TMEM156: variants seen among roughly 807,000 people sequenced by gnomAD.
TMEM156 encodes transmembrane protein 156.
In TMEM156, 28 loss-of-function variants were observed where a neutral mutation model predicts 30.5. The ratio of observed to expected loss-of-function variants is 0.92; its 90% CI spans 0.68 to 1.26. The LOEUF (loss-of-function observed/expected upper bound fraction) is 1.26. Among genes scored for constraint, TMEM156 ranks in the 50% most tolerant of loss-of-function variants. The probability of loss-of-function intolerance (pLI) is 0.00; values close to 1 mark genes in which losing one functional copy is unlikely to be tolerated. For missense variants in TMEM156, 351 were observed against 340.6 expected (o/e 1.03, Z -0.24); for synonymous variants, 137 against 119.9 (o/e 1.14, Z -0.93).
chr4:38,986,927 T>G (rs1712048581), intron 4 of TMEM156, among the ~76,000 whole-genome samples: 1 of 150,998 alleles, frequency 6.6e-6, no homozygotes, highest in African/African-American at 2.4e-5. Context: ...TGAAGAATAT[T>G]CAATGTATGT....
chr4:38,978,337 G>A (rs191628086), intron 5 of TMEM156, among the ~76,000 whole-genome samples: 6 of 152,242 alleles, frequency 3.9e-5, no homozygotes, highest in South Asian at 2.1e-4. Flanking sequence ...TGCCCTCCAC[G>A]TCCCAAATAG....
intron 4 of TMEM156, among the ~76,000 whole-genome samples, chr4:38,987,759 A>G (rs1187511397): frequency 6.6e-6 from 1 of 152,216 alleles, no homozygotes; most frequent in Non-Finnish European, 1.5e-5. Context: ...TTTACAGAGG[A>G]TGTAAGGGAT....
intron 1 of TMEM156, among the ~76,000 whole-genome samples, chr4:39,018,268 G>T (rs889864163): frequency 6.6e-6 from 1 of 152,060 alleles, no homozygotes; most frequent in African/African-American, 2.4e-5. Flanking sequence ...ACTTTAACTC[G>T]GATCATCTCC....
intron 5 of TMEM156, among the ~76,000 whole-genome samples, chr4:38,975,384 C>CTTTTTTTTTTTT (rs10711049): frequency 1.0e-5 from 1 of 97,562 alleles, no homozygotes; most frequent in Non-Finnish European, 2.2e-5. Flanking sequence ...TTTTTCTTTT[C>CTTTTTTTTTTTT]TTTTTTTTTT....
Position 39,011,354 on chromosome 4 carries a change from C to A in TMEM156, c.89-12445G>T, listed in dbSNP as rs142565254. 2.6e-3 allele frequency among the ~76,000 whole-genome samples: 394 copies of A among 152,312 alleles called. 2 individuals carry two copies. Among genetic ancestry groups the A allele is most frequent in the African/African-American group, 8.9e-3 (370 of 41,566 alleles). ...AGCAGTTTGGAGATTTCTGAAAGAA[C>A]TGAAAATAGAATTGTCATTTGACCG... is the stretch of plus-strand genomic sequence containing the variant. On this transcript the variant is annotated intron_variant, in intron 1 of 6. Coordinates refer to ENST00000381938, the MANE Select transcript of TMEM156 (RefSeq NM_024943.3).
intron 6 of TMEM156, among the ~76,000 whole-genome samples, chr4:38,968,184 C>T (rs1722433439): frequency 6.6e-6 from 1 of 152,238 alleles, no homozygotes; most frequent in South Asian, 2.1e-4. Context: ...ACCTCTGCTG[C>T]TACAGCATGT....
chr4:38,968,251 T>C (rs1486737697), intron 6 of TMEM156, among the ~76,000 whole-genome samples: 1 of 152,226 alleles, frequency 6.6e-6, no homozygotes, highest in Non-Finnish European at 1.5e-5. Context: ...CCAGTTTCTT[T>C]CAATTATAAC....
chr4:39,022,202 C>G (rs1714913822), intron 1 of TMEM156, among the ~76,000 whole-genome samples: 2 of 152,184 alleles, frequency 1.3e-5, no homozygotes, highest in African/African-American at 4.8e-5. Flanking sequence ...TCTCAACATC[C>G]AAGTTATGGC....
At chr4:38,973,255 T>C (rs1722694130) in intron 5 of TMEM156, among the ~76,000 whole-genome samples, 3 of 152,220 alleles carry the variant, frequency 2.0e-5, no homozygotes, top group Admixed American at 2.0e-4. Context: ...ATAGGGATAT[T>C]GAAATGAACT....
chr4:38,988,372 C>T (rs181161534), intron 4 of TMEM156, among the ~76,000 whole-genome samples: 3,218 of 152,230 alleles, frequency 0.021, 126 homozygotes, highest in African/African-American at 0.074. Flanking sequence ...TATAGGCTTG[C>T]GCCACCATGC....
At chr4:38,979,397 C>T (rs1051640825) in intron 5 of TMEM156, among the ~76,000 whole-genome samples, 10 of 152,084 alleles carry the variant, frequency 6.6e-5, no homozygotes, top group African/African-American at 1.9e-4. Context: ...AGTGTGGCTG[C>T]CTTGAGGCTA....
intron 1 of TMEM156, among the ~76,000 whole-genome samples, chr4:39,023,242 C>A (rs374414076): frequency 7.9e-5 from 12 of 152,202 alleles, no homozygotes; most frequent in African/African-American, 2.7e-4. Flanking sequence ...AACTCCAGAA[C>A]TGTGAAGGCT....
At chr4:38,971,164 T>C in intron 5 of TMEM156, 27 bp from the exon 6 acceptor site, 1 of 1,607,764 alleles carries the variant, frequency 6.2e-7, no homozygotes, top group East Asian at 2.2e-5. Context: ...ACTGTTTTAG[T>C]CTATATGTAG....
chr4:39,014,757 CA>C (rs34040774), intron 1 of TMEM156, among the ~76,000 whole-genome samples: 39,638 of 125,054 alleles, frequency 0.32, 5,965 homozygotes, highest in African/African-American at 0.5. Flanking sequence ...GACTCCATCT[CA>C]AAAAAAAAAA....
At chr4:39,019,801 G>C (rs1380058917) in intron 1 of TMEM156, among the ~76,000 whole-genome samples, 1 of 152,070 alleles carries the variant, frequency 6.6e-6, no homozygotes, top group Non-Finnish European at 1.5e-5. Flanking sequence ...ATTTTCGTTT[G>C]TGTGTGGCGA....
chr4:38,971,084 T>C lies in TMEM156; in HGVS notation c.877A>G (p.Ile293Val), dbSNP rs765754969. Residue 293 changes from isoleucine (I) to valine (V), a missense_variant, in exon 6 of 7, where the codon ATT (isoleucine) becomes GTT (valine). Coordinates refer to ENST00000381938, the MANE Select transcript of TMEM156 (RefSeq NM_024943.3). ...LDQVQEVLPP[I>V]PEL is the part of the protein sequence containing the mutation. ...GTGGAAGTAACTTATAGTTCTGGAA[T>C]TGGGGGAAGCACTTCCTGGACTTGA... 1.2e-5 allele frequency: 20 copies of C among 1,613,868 alleles called. No individual in the cohort carries two copies. The highest frequency in any genetic ancestry group is 2.7e-5 in the African/African-American group (2 of 74,906).
chr4:38,971,248 G>A, intron 5 of TMEM156, 111 bp from the exon 6 acceptor site: 1 of 1,000,306 alleles, frequency 1.0e-6, no homozygotes, highest in Non-Finnish European at 1.5e-6. Context: ...CCTCTAGAAA[G>A]GATTTTGGGA....
chr4:38,982,293 C>A (rs1319692273), intron 5 of TMEM156, among the ~76,000 whole-genome samples: 4 of 152,138 alleles, frequency 2.6e-5, no homozygotes, highest in Admixed American at 2.0e-4. Flanking sequence ...TTGTAGGACC[C>A]CACCTTGTGA....
intron 1 of TMEM156, among the ~76,000 whole-genome samples, chr4:39,017,813 C>A (rs1714601578): frequency 6.6e-6 from 1 of 152,168 alleles, no homozygotes; most frequent in Non-Finnish European, 1.5e-5. Context: ...AATACCATGG[C>A]ATGTGCTTTC....
Sources: gnomAD v4.1 joint callset for allele counts (sites outside exome capture counted in the v4.1 genomes callset) on GRCh38, gnomAD v4.1.1 for gene constraint, MANE v1.5 for transcripts, NCBI Gene and HGNC (gene_info 2026-07-23, HGNC 2026-07-21) for gene names.